The following MSRB2 variants were observed in gnomAD, a reference collection of about 807,000 sequenced individuals.
MSRB2 encodes the protein methionine-R-sulfoxide reductase B2, mitochondrial.
In MSRB2, 17 loss-of-function variants were observed where a neutral mutation model predicts 19.0. That is an observed-to-expected ratio of 0.89 (90% confidence interval 0.61 to 1.34). The LOEUF is 1.34. Among genes scored for constraint, MSRB2 ranks in the 40% most tolerant of loss-of-function variants. The pLI, the probability that MSRB2 is intolerant of heterozygous loss-of-function variation, is 0.00. For synonymous variants in MSRB2, 107 were observed against 99.7 expected (o/e 1.07, Z -0.44); for missense variants, 208 against 237.6 (o/e 0.88, Z 0.82).
At chr10:23,098,506 G>T (rs1839891415) in intron 1 of MSRB2, among the ~76,000 whole-genome samples, 1 of 152,198 alleles carries the variant, frequency 6.6e-6, no homozygotes, top group Non-Finnish European at 1.5e-5. Context: ...TGCAATAGCA[G>T]CAACCGATAA....
chr10:23,097,513 C>T (rs182052763), intron 1 of MSRB2, among the ~76,000 whole-genome samples: 36 of 152,334 alleles, frequency 2.4e-4, no homozygotes, highest in African/African-American at 7.2e-4. Context: ...AAGAGAGCCT[C>T]ACCTTTATGA....
chr10:23,098,105 T>C (rs1839886262), intron 1 of MSRB2, among the ~76,000 whole-genome samples: 2 of 152,204 alleles, frequency 1.3e-5, no homozygotes, highest in Non-Finnish European at 2.9e-5. Context: ...GAAACTGTCC[T>C]GGGCATAGGG....
At chr10:23,096,446 C>T (rs1373484542) in intron 1 of MSRB2, among the ~76,000 whole-genome samples, 1 of 151,800 alleles carries the variant, frequency 6.6e-6, no homozygotes, top group Non-Finnish European at 1.5e-5. Flanking sequence ...AAGGAGTCAC[C>T]TCGGGAGACC....
chr10:23,119,079 C>A, intron 3 of MSRB2: 1 of 655,676 alleles, frequency 1.5e-6, no homozygotes, highest in Non-Finnish European at 2.8e-6. Flanking sequence ...AAGTCTTTAG[C>A]ATCAAAGGAT....
chr10:23,116,015 G>A (rs1039081542), intron 3 of MSRB2, among the ~76,000 whole-genome samples: 3 of 152,112 alleles, frequency 2.0e-5, no homozygotes, highest in African/African-American at 7.2e-5. Context: ...ACCCCTGGAG[G>A]AGGGTTGCAA....
chr10:23,111,944 A>C (rs1420041765), intron 3 of MSRB2, among the ~76,000 whole-genome samples: 1 of 151,746 alleles, frequency 6.6e-6, no homozygotes, highest in Non-Finnish European at 1.5e-5. Flanking sequence ...TTAAACTTAA[A>C]TGTAATTTTA....
chr10:23,100,737 G>A (rs1464369340), intron 1 of MSRB2, among the ~76,000 whole-genome samples: 3 of 152,082 alleles, frequency 2.0e-5, no homozygotes, highest in African/African-American at 7.2e-5. Flanking sequence ...CTCCCACCAG[G>A]CCCCACCTCC....
chr10:23,096,147 G>T (rs186902831), intron 1 of MSRB2, among the ~76,000 whole-genome samples: 1 of 152,120 alleles, frequency 6.6e-6, no homozygotes, highest in Admixed American at 6.5e-5. Context: ...TCGTAGTTCC[G>T]CGGGCTTCCT....
intron 1 of MSRB2, among the ~76,000 whole-genome samples, chr10:23,102,395 CTT>C (rs1839935111): frequency 1.3e-5 from 2 of 152,172 alleles, no homozygotes; most frequent in African/African-American, 2.4e-5. Flanking sequence ...TTTTATAGCT[CTT>C]GTTTTTTTTT....
intron 1 of MSRB2, among the ~76,000 whole-genome samples, chr10:23,097,047 A>G (rs902238221): frequency 2.0e-5 from 3 of 152,236 alleles, no homozygotes; most frequent in Non-Finnish European, 4.4e-5. Flanking sequence ...CTGGGAATCT[A>G]TTCGAAGGAA....
At chr10:23,104,284 T>C in intron 2 of MSRB2, 40 bp downstream of exon 2, 2 of 1,579,766 alleles carry the variant, frequency 1.3e-6, no homozygotes, top group Non-Finnish European at 1.7e-6. Context: ...TTGCATGTGT[T>C]GGCAGTGAGG....
chr10:23,119,401 C>T lies in MSRB2; in HGVS notation c.394C>T (p.Arg132Cys), dbSNP rs183079090. 267 of 1,614,120 alleles carry T rather than the reference C, an allele frequency of 1.7e-4. No homozygotes were observed. Among genetic ancestry groups the T allele is most frequent in the Admixed American group, 4.2e-4 (25 of 60,018 alleles). Residue 132 changes from arginine to cysteine, a missense_variant, in exon 4 of 5, where the codon CGT (arginine) becomes TGT (cysteine). Coordinates refer to ENST00000376510, the MANE Select transcript of MSRB2 (RefSeq NM_012228.4). ...SDESHTGILR[R>C]LDTSLGSART... ...TGAAAGCCACACAGGGATCCTGAGACGTCTGGATACCTCGTTAGGATCAGC... is the reference window on the plus strand; with the variant it reads ...TGAAAGCCACACAGGGATCCTGAGATGTCTGGATACCTCGTTAGGATCAGC...
In MSRB2 at chr10:23,095,621, C is replaced by A. The variant is rs1839850387; in HGVS notation, c.13C>A (p.Leu5Ile). Reference protein sequence around the residue: MARLLWLLRGLTLGT... With the variant: MARLIWLLRGLTLGT... ...CGGAGCGGGCGTCATGGCGCGGCTC[C>A]TCTGGTTGCTCCGGGGCCTGACCCT... Residue 5 changes from leucine to isoleucine, a missense_variant, in exon 1 of 5, where the codon CTC becomes ATC. Leu to Ile is a conservative substitution (Grantham distance 5). Transcript: ENST00000376510. 23 of 1,477,188 alleles carry A rather than the reference C, an allele frequency of 1.6e-5. No homozygotes were observed. The highest frequency in any genetic ancestry group is 2.1e-5 in the Non-Finnish European group (23 of 1,120,506). The allele number at this position is 1,477,188 out of a possible 1,614,324, so 91.5% of individuals were successfully genotyped here.
At chr10:23,108,521 G>T (rs1262258762) in intron 2 of MSRB2, among the ~76,000 whole-genome samples, 2 of 149,412 alleles carry the variant, frequency 1.3e-5, no homozygotes, top group African/African-American at 5.0e-5. Context: ...TGTCGCCCAG[G>T]CTGGAGTGCA....
At chr10:23,118,099 A>G (rs550500268) in intron 3 of MSRB2, among the ~76,000 whole-genome samples, 11 of 152,320 alleles carry the variant, frequency 7.2e-5, no homozygotes, top group Non-Finnish European at 1.3e-4. Context: ...ATTCTCATTT[A>G]TAATGTATAA....
At chr10:23,105,222 G>C (rs918118638) in intron 2 of MSRB2, among the ~76,000 whole-genome samples, 7 of 151,822 alleles carry the variant, frequency 4.6e-5, no homozygotes, top group Admixed American at 6.6e-5. Flanking sequence ...CTGTGTGTGT[G>C]TGTGTGTGTG....
At chr10:23,113,399 T>TA (rs1840075325) in intron 3 of MSRB2, among the ~76,000 whole-genome samples, 1 of 152,218 alleles carries the variant, frequency 6.6e-6, no homozygotes, top group Admixed American at 6.5e-5. Flanking sequence ...GGTTTTTTTT[T>TA]AATCTGCTTC....
intron 3 of MSRB2, among the ~76,000 whole-genome samples, chr10:23,114,406 G>A (rs1170835958): frequency 6.6e-6 from 1 of 150,724 alleles, no homozygotes; most frequent in Non-Finnish European, 1.5e-5. Flanking sequence ...TGTGAGGGAA[G>A]TGGCTGCAAC....
chr10:23,107,601 C>G (rs1422239856), intron 2 of MSRB2, among the ~76,000 whole-genome samples: 2 of 152,212 alleles, frequency 1.3e-5, no homozygotes, highest in African/African-American at 2.4e-5. Context: ...GAAACTCCCC[C>G]CTTCGTAGTG....
Sources: allele counts gnomAD v4.1 joint callset (sites outside exome capture counted in the v4.1 genomes callset), GRCh38; gene constraint gnomAD v4.1.1; transcripts MANE v1.5; gene names NCBI Gene and HGNC (gene_info 2026-07-23, HGNC 2026-07-21).